The following PCARE variants were observed in gnomAD, a reference collection of about 807,000 sequenced individuals.
PCARE encodes the protein photoreceptor cilium actin regulator, also known as uncharacterized protein C2orf71.
Under a neutral mutation model 82.2 loss-of-function variants are expected in PCARE, and 72 were observed. The ratio of observed to expected loss-of-function variants is 0.88; its 90% confidence interval spans 0.72 to 1.07. PCARE has a LOEUF of 1.07. Ranked by LOEUF, PCARE falls within the 50% of genes least tolerant of loss-of-function variation. The probability of loss-of-function intolerance (pLI) is 0.00; values close to 1 mark genes in which losing one functional copy is unlikely to be tolerated. For missense variants in PCARE, 1,768 were observed against 1,592.4 expected (o/e 1.11, Z -1.88); for synonymous variants, 705 against 634.8 (o/e 1.11, Z -1.66).
chr2:29,064,860 G>T lies in PCARE; in HGVS notation c.*9C>A. 1.2e-6 allele frequency: 2 copies of T among 1,610,214 alleles called. No homozygotes were observed. Among genetic ancestry groups the T allele is most frequent in the Non-Finnish European group, 8.5e-7 (1 of 1,179,902 alleles). On this transcript the variant is annotated 3_prime_UTR_variant, in exon 2 of 2. Transcript: ENST00000331664. ...GTGACTGCGTGAGTGTGGCCCCCTC[G>T]TCAGCCTGTCAGGACACCTCCTCTT...
At position 29,073,557 on chromosome 2, in the gene PCARE, C is replaced by A. The variant is rs766967937; in HGVS notation, c.705G>T (p.Glu235Asp). The A allele has an allele frequency of 6.2e-7, 1 of 1,614,184 alleles. No homozygotes were observed. The highest frequency in any genetic ancestry group is 1.3e-5 in the African/African-American group (1 of 75,038). ...GGAGCACTTCTCCATCCTTGGAGAT[C>A]TCCCCCAACAGCTGGCTGATCTCCT... The part of the protein sequence containing the change: ...CFEEISQLLG[E>D]ISKDGEVLLQ... Residue 235 changes from glutamate (E) to aspartate (D), a missense_variant, in exon 1 of 2, where the codon GAG (glutamate) becomes GAT (aspartate). Glu to Asp is a conservative substitution (Grantham distance 45). Coordinates refer to ENST00000331664, the MANE Select transcript of PCARE (RefSeq NM_001029883.3).
rs1667365907 is a variant in PCARE, at chr2:29,064,746, G to C, written c.*123C>G. On this transcript the variant is annotated 3_prime_UTR_variant, in exon 2 of 2. Coordinates refer to ENST00000331664, the MANE Select transcript of PCARE (RefSeq NM_001029883.3). ...ACCCACTGGGCAGTGCACCTTCCAGGCCTTTCCAGGACACCTCAGTAGGAG... is the reference window on the plus strand; with the variant it reads ...ACCCACTGGGCAGTGCACCTTCCAGCCCTTTCCAGGACACCTCAGTAGGAG... 2 of 1,307,232 alleles carry C rather than the reference G, an allele frequency of 1.5e-6. No homozygotes were observed. Among genetic ancestry groups the C allele is most frequent in the African/African-American group, 2.9e-5 (2 of 68,838 alleles). The allele number at this position is 1,307,232 out of a possible 1,614,324, so 81.0% of individuals were successfully genotyped here.
Position 29,062,285 on chromosome 2 carries a change from G to C in PCARE, c.*2584C>G, listed in dbSNP as rs79961309. 6.6e-6 allele frequency: 1 copy of C among 152,282 alleles called. No homozygotes were observed. Among genetic ancestry groups the C allele is most frequent in the Non-Finnish European group, 1.5e-5 (1 of 68,130 alleles). 9.4% of individuals were successfully genotyped at this position (152,282 alleles called of 1,614,324 possible). A position where few individuals can be genotyped will look rare whatever the true frequency, so the allele number is the denominator to read the frequency against. The stretch of plus-strand genomic sequence containing the variant: ...CAGCTGGGGGCTTTTATGACATCGT[G>C]TGTGGGGACCTATGGCAGGAGCCTC... On this transcript the variant is annotated 3_prime_UTR_variant, in exon 2 of 2. Coordinates refer to ENST00000331664, the MANE Select transcript of PCARE (RefSeq NM_001029883.3).
chr2:29,064,747 C>T lies in PCARE; in HGVS notation c.*122G>A, dbSNP rs1667365935. 8 of 1,324,490 alleles carry T rather than the reference C, an allele frequency of 6.0e-6. No homozygotes were observed. The highest frequency in any genetic ancestry group is 1.9e-5 in the Admixed American group (1 of 53,446). 82.0% of individuals were successfully genotyped at this position (1,324,490 alleles called of 1,614,324 possible). On this transcript the variant is annotated 3_prime_UTR_variant, in exon 2 of 2. Coordinates refer to ENST00000331664, the MANE Select transcript of PCARE (RefSeq NM_001029883.3). ...CCCACTGGGCAGTGCACCTTCCAGG[C>T]CTTTCCAGGACACCTCAGTAGGAGT...
At position 29,071,632 on chromosome 2, in the gene PCARE, C is replaced by T; in HGVS notation, c.2630G>A (p.Trp877Ter). The T allele has an allele frequency of 6.2e-7, 1 of 1,613,756 alleles. No individual in the cohort carries two copies. The highest frequency in any genetic ancestry group is 1.1e-5 in the South Asian group (1 of 91,064). The change falls in exon 1 of 2, where the codon TGG becomes TAG. Residue 877 changes from tryptophan to a stop codon, truncating the protein, a stop_gained. Transcript: ENST00000331664. LOFTEE classifies it high-confidence loss of function. Reference protein sequence around the residue: ...PGEAGPTRRTWASPKLRASVS... With the variant: ...PGEAGPTRRT ...AGAGGCCCTCAGCTTTGGGGAAGCC[C>T]ATGTTCTCCTGGTGGGGCCAGCCTC...
In PCARE at chr2:29,073,570, T is replaced by A; in HGVS notation, c.692A>T (p.Gln231Leu). The A allele has an allele frequency of 6.2e-7, 1 of 1,614,212 alleles. No individual in the cohort carries two copies. ...ATCCTTGGAGATCTCCCCCAACAGC[T>A]GGCTGATCTCCTCAAAGCACAGCAG... is the stretch of plus-strand genomic sequence containing the variant. ...FLLLCFEEISQLLGEISKDGE... is the reference protein window; with the variant it reads ...FLLLCFEEISLLLGEISKDGE... The change falls in exon 1 of 2, where the codon CAG becomes CTG. Residue 231 changes from glutamine to leucine, a missense_variant. Gln to Leu is a moderately radical substitution (Grantham distance 113, BLOSUM62 -2). Transcript: ENST00000331664.
chr2:29,073,926 C>A lies in PCARE; in HGVS notation c.336G>T (p.Lys112Asn). The A allele has an allele frequency of 1.9e-6, 3 of 1,614,238 alleles. No individual in the cohort carries two copies. Among genetic ancestry groups the A allele is most frequent in the Non-Finnish European group, 2.5e-6 (3 of 1,180,034 alleles). ...AACCCTGTGTCTTGAACGGAATATCCTTAGCCATGTGGCTTTGTGATTTGT... is the reference window on the plus strand; with the variant it reads ...AACCCTGTGTCTTGAACGGAATATCATTAGCCATGTGGCTTTGTGATTTGT... ...QLNKSQSHMAKDIPFKTQGSH... is the reference protein window; with the variant it reads ...QLNKSQSHMANDIPFKTQGSH... The change falls in exon 1 of 2, where the codon AAG becomes AAT. Residue 112 changes from lysine (K) to asparagine (N), a missense_variant. Lys to Asn is a moderately conservative substitution (Grantham distance 94). Transcript: ENST00000331664.
In PCARE at chr2:29,070,857, C is replaced by T. The variant is rs768019284; in HGVS notation, c.3405G>A (p.Pro1135=). ...PATSSLFEAK[P]PLSTAHPLTP... ...TCAGTGGGTGGGCTGTTGAGAGTGG[C>T]GGTTTAGCTTCAAACAGAGAGGAGG... The change falls in exon 1 of 2, where the codon CCG becomes CCA. Residue 1135 remains proline (P), a synonymous_variant. Coordinates refer to ENST00000331664, the MANE Select transcript of PCARE (RefSeq NM_001029883.3). 66 of 1,613,676 alleles carry T rather than the reference C, an allele frequency of 4.1e-5. No individual in the cohort carries two copies. Among genetic ancestry groups the T allele is most frequent in the Admixed American group, 1.5e-4 (9 of 59,996 alleles).
rs2148416926 is a variant in PCARE, at chr2:29,073,797, G to A, written c.465C>T (p.Ser155=). 1 of 1,614,214 alleles carries A rather than the reference G, an allele frequency of 6.2e-7. No homozygotes were observed. Among genetic ancestry groups the A allele is most frequent in the Admixed American group, 1.7e-5 (1 of 60,020 alleles). The stretch of plus-strand genomic sequence containing the variant: ...TGGTTTGGTAGCAGTGGCTCTGTGT[G>A]CTTGACGTGTGACATTTTGCTGTCC... The part of the protein sequence containing the change: ...WKRTAKCHTS[S]TQSHCYQTIH... The change falls in exon 1 of 2, where the codon AGC becomes AGT. Residue 155 remains serine (S), a synonymous_variant. Transcript: ENST00000331664.
In PCARE at chr2:29,062,224, C is replaced by T. The variant is rs1667320514; in HGVS notation, c.*2645G>A. On this transcript the variant is annotated 3_prime_UTR_variant, in exon 2 of 2. Transcript: ENST00000331664. ...AGGTTACTGGGCAACACAATGGTGT[C>T]ACCAGCTCACTGTCCCGGCTGCCTG... The T allele has an allele frequency of 6.6e-6, 1 of 152,294 alleles. No homozygotes were observed. The highest frequency in any genetic ancestry group is 2.1e-4 in the South Asian group (1 of 4,832). The allele number at this position is 152,294 out of a possible 1,614,324, so 9.4% of individuals were successfully genotyped here.
In PCARE at chr2:29,074,392, T is replaced by G; in HGVS notation, c.-131A>C. The G allele has an allele frequency of 1.1e-6, 1 of 912,930 alleles. No individual in the cohort carries two copies. The highest frequency in any genetic ancestry group is 1.6e-6 in the Non-Finnish European group (1 of 624,888). The allele number at this position is 912,930 out of a possible 1,614,324, so 56.6% of individuals were successfully genotyped here. On this transcript the variant is annotated 5_prime_UTR_variant, in exon 1 of 2. Coordinates refer to ENST00000331664, the MANE Select transcript of PCARE (RefSeq NM_001029883.3). ...GGCCAGAATTCTTTGAAGTCCATGG[T>G]ACAATATCCTAAACTTGGAACCAGC... is the stretch of plus-strand genomic sequence containing the variant.
chr2:29,072,468 C>G lies in PCARE; in HGVS notation c.1794G>C (p.Ser598=), dbSNP rs535459255. 1.2e-6 allele frequency: 2 copies of G among 1,614,220 alleles called. No homozygotes were observed. The highest frequency in any genetic ancestry group is 1.7e-6 in the Non-Finnish European group (2 of 1,180,030). ...GGTCCTCCACGTGACTCTGGAGACA[C>G]GACTCTGACTGGGACCTCGTCTGCC... ...PERQTRSQSE[S]CLQSHVEDPT... The change falls in exon 1 of 2, where the codon TCG becomes TCC. Residue 598 remains serine (S), a synonymous_variant. Transcript: ENST00000331664.
Position 29,071,934 on chromosome 2 carries a change from A to C in PCARE, c.2328T>G (p.Pro776=), listed in dbSNP as rs764928525. The change falls in exon 1 of 2, where the codon CCT becomes CCG. Residue 776 remains proline, a synonymous_variant. Coordinates refer to ENST00000331664, the MANE Select transcript of PCARE (RefSeq NM_001029883.3). The part of the protein sequence containing the change: ...PRFPKYTGLA[P]LYPKPQISPA... ...GAGAAATTTGGGGCTTCGGATACAAAGGGGCAAGCCCTGTGTACTTGGGAA... is the reference window on the plus strand; with the variant it reads ...GAGAAATTTGGGGCTTCGGATACAACGGGGCAAGCCCTGTGTACTTGGGAA... The C allele has an allele frequency of 1.2e-6, 2 of 1,614,194 alleles. No individual in the cohort carries two copies. The highest frequency in any genetic ancestry group is 1.7e-6 in the Non-Finnish European group (2 of 1,180,014).
chr2:29,073,696 G>C lies in PCARE; in HGVS notation c.566C>G (p.Thr189Ser), dbSNP rs1417134799. The C allele has an allele frequency of 8.7e-6, 14 of 1,613,358 alleles. No homozygotes were observed. Among genetic ancestry groups the C allele is most frequent in the East Asian group, 6.7e-5 (3 of 44,842 alleles). Residue 189 changes from threonine to serine, a missense_variant, in exon 1 of 2, where the codon ACC becomes AGC. Coordinates refer to ENST00000331664, the MANE Select transcript of PCARE (RefSeq NM_001029883.3). ...TTTGGAGAGGCTGGAGTGTAGATAGGTGTAAGCCTGCTGGTGGGCCTTTAC... is the reference window on the plus strand; with the variant it reads ...TTTGGAGAGGCTGGAGTGTAGATAGCTGTAAGCCTGCTGGTGGGCCTTTAC... ...PLVKAHQQAY[T>S]YLHSSLSKYE...
In PCARE at chr2:29,072,953, TGGA is replaced by T. The variant is rs1283365447; in HGVS notation, c.1306_1308del (p.Ser437del). ...GAGGTGATATTTTCTGGGCTTGTAC[TGGA>T]GAGGCATGGGCTCCTTGCTTCGTCC... On this transcript the variant is annotated inframe_deletion, in exon 1 of 2. Coordinates refer to ENST00000331664, the MANE Select transcript of PCARE (RefSeq NM_001029883.3). 4 of 1,614,056 alleles carry T rather than the reference TGGA, an allele frequency of 2.5e-6. No homozygotes were observed. The highest frequency in any genetic ancestry group is 1.3e-5 in the African/African-American group (1 of 74,926).
intron 1 of PCARE, among the ~76,000 whole-genome samples, chr2:29,067,876 C>G (rs1035343596): frequency 1.3e-5 from 2 of 152,146 alleles, no homozygotes; most frequent in African/African-American, 4.8e-5. Context: ...TGTTACCTCC[C>G]TGCCGCCCCT....
chr2:29,070,551 A>G (rs1208367231), intron 1 of PCARE, 43 bp downstream of exon 1: 2 of 1,611,790 alleles, frequency 1.2e-6, no homozygotes, highest in African/African-American at 2.7e-5. Context: ...GTTCCTCTCT[A>G]GTCCAAGCCG....
rs1411482818 is a variant in PCARE, at chr2:29,073,041, G to C, written c.1221C>G (p.Gly407=). 2.5e-6 allele frequency: 4 copies of C among 1,614,042 alleles called. No individual in the cohort carries two copies. Among genetic ancestry groups the C allele is most frequent in the Non-Finnish European group, 3.4e-6 (4 of 1,179,944 alleles). ...CTGAGAGCAGGCAGTCCTGGGGTCT[G>C]CCTGAGCCCAAACAGAATGGACTTT... ...WQQSPFCLGS[G]RPQDCLLSGA... is the part of the protein sequence containing the mutation. The change falls in exon 1 of 2, where the codon GGC becomes GGG. Residue 407 remains glycine (G), a synonymous_variant. Transcript: ENST00000331664.
At position 29,070,742 on chromosome 2, in the gene PCARE, C is replaced by G. The variant is rs1359818057; in HGVS notation, c.3520G>C (p.Asp1174His). ...CACAGAGCTGCTCTCCGCTGCGAGT[C>G]TGCTCTCAGCCAAGGCCCTGAGCTG... Reference protein sequence around the residue: ...KNSSGPWLRADSQRRAALCAL... With the variant: ...KNSSGPWLRAHSQRRAALCAL... Residue 1174 changes from aspartate (D) to histidine (H), a missense_variant, in exon 1 of 2, where the codon GAC becomes CAC. Transcript: ENST00000331664. 5.0e-6 allele frequency: 8 copies of G among 1,614,040 alleles called. No individual in the cohort carries two copies. The highest frequency in any genetic ancestry group is 3.3e-5 in the Admixed American group (2 of 60,002).
Sources: gnomAD v4.1 joint callset for allele counts (sites outside exome capture counted in the v4.1 genomes callset) on GRCh38, gnomAD v4.1.1 for gene constraint, MANE v1.5 for transcripts, NCBI Gene and HGNC (gene_info 2026-07-23, HGNC 2026-07-21) for gene names.